The following NBAS variants were observed in gnomAD, a reference collection of about 807,000 sequenced individuals.
NBAS encodes NBAS subunit of NRZ tethering complex.
Under a neutral mutation model 302.5 loss-of-function variants are expected in NBAS, and 219 were observed. The observed-to-expected ratio is 0.72, with a 90% CI of 0.65 to 0.81. The LOEUF is 0.81. NBAS is among the 30% of genes least tolerant of loss of function. The probability of loss-of-function intolerance (pLI) is 0.00; values close to 1 mark genes in which losing one functional copy is unlikely to be tolerated. For missense variants in NBAS, 2,932 were observed against 2,841.6 expected (o/e 1.03, Z -0.72); for synonymous variants, 1,118 against 1,021.6 (o/e 1.09, Z -1.80).
At chr2:14,888,993 T>C in the NBAS span, among the ~76,000 whole-genome samples, 1 of 152,248 alleles carries the variant, frequency 6.6e-6, no homozygotes, top group Non-Finnish European at 1.5e-5. Flanking sequence ...GGCTGTGTCC[T>C]CTGTTCGGAA....
At chr2:15,476,639 C>T (rs1169476075) in intron 13 of NBAS, among the ~76,000 whole-genome samples, 4 of 151,838 alleles carry the variant, frequency 2.6e-5, no homozygotes, top group African/African-American at 7.3e-5. Flanking sequence ...CACTTGAACC[C>T]GGGAGATGGA....
chr2:14,942,993 G>C, the NBAS span, among the ~76,000 whole-genome samples: 1 of 152,152 alleles, frequency 6.6e-6, no homozygotes, highest in East Asian at 1.9e-4. Context: ...CCTCAGCAAA[G>C]GGAACGCAAA....
At chr2:14,878,048 C>T in the NBAS span, among the ~76,000 whole-genome samples, 1 of 152,158 alleles carries the variant, frequency 6.6e-6, no homozygotes. Flanking sequence ...CCCAGTTCAC[C>T]ATGGGTAAAA....
At chr2:15,125,860 C>T in the NBAS span, among the ~76,000 whole-genome samples, 1 of 152,148 alleles carries the variant, frequency 6.6e-6, no homozygotes, top group Non-Finnish European at 1.5e-5. Context: ...GGACTCGGAA[C>T]TTGGAGCTCT....
chr2:15,231,071 G>A (rs566283313), intron 47 of NBAS, among the ~76,000 whole-genome samples: 9 of 152,298 alleles, frequency 5.9e-5, no homozygotes, highest in East Asian at 1.9e-4. Flanking sequence ...AGGCCAGATC[G>A]TCTCCCGCGC....
At chr2:15,352,930 C>T (rs1350674497) in intron 34 of NBAS, among the ~76,000 whole-genome samples, 1 of 152,110 alleles carries the variant, frequency 6.6e-6, no homozygotes, top group Admixed American at 6.5e-5. Flanking sequence ...ACTGCCTGAC[C>T]CATCTGATGG....
At chr2:14,850,359 A>G in the NBAS span, among the ~76,000 whole-genome samples, 9 of 106,448 alleles carry the variant, frequency 8.5e-5, no homozygotes, top group Non-Finnish European at 1.0e-4. Context: ...TAAAGGGATC[A>G]ATTCAACAAG....
At chr2:15,373,759 A>G (rs987448396) in intron 31 of NBAS, among the ~76,000 whole-genome samples, 1 of 152,178 alleles carries the variant, frequency 6.6e-6, no homozygotes, top group Non-Finnish European at 1.5e-5. Flanking sequence ...ACTACACAGG[A>G]CAAAGACACC....
At chr2:14,794,384 T>C in the NBAS span, among the ~76,000 whole-genome samples, 1 of 152,216 alleles carries the variant, frequency 6.6e-6, no homozygotes, top group Admixed American at 6.6e-5. Context: ...TCTTTTGCTT[T>C]TATTACTTTT....
At chr2:14,953,833 T>C in the NBAS span, among the ~76,000 whole-genome samples, 82 of 152,148 alleles carry the variant, frequency 5.4e-4, no homozygotes, top group Non-Finnish European at 1.0e-3. Context: ...AGAAGATAAA[T>C]GGATAAAAAG....
the NBAS span, among the ~76,000 whole-genome samples, chr2:14,963,269 A>AAAATAAAT: frequency 8.5e-5 from 13 of 152,138 alleles, no homozygotes; most frequent in Non-Finnish European, 1.6e-4. Context: ...CTCCATCTCA[A>AAAATAAAT]AAATAAATAA....
At chr2:15,105,355 T>A in the NBAS span, among the ~76,000 whole-genome samples, 1 of 152,050 alleles carries the variant, frequency 6.6e-6, no homozygotes, top group Non-Finnish European at 1.5e-5. Context: ...TGTGTATACC[T>A]ATGTAACAAA....
the NBAS span, among the ~76,000 whole-genome samples, chr2:14,840,654 G>A: frequency 1.3e-5 from 2 of 152,044 alleles, no homozygotes; most frequent in East Asian, 1.9e-4. Flanking sequence ...AAAAAAAATT[G>A]TCATTCAAAA....
At chr2:15,286,014 C>A (rs1340059714) in intron 42 of NBAS, among the ~76,000 whole-genome samples, 5 of 152,314 alleles carry the variant, frequency 3.3e-5, no homozygotes, top group Admixed American at 3.3e-4. Context: ...TTGGGTGCTT[C>A]CTGTCTCACG....
chr2:14,829,634 T>C, the NBAS span, among the ~76,000 whole-genome samples: 1 of 152,304 alleles, frequency 6.6e-6, no homozygotes, highest in East Asian at 1.9e-4. Context: ...GACAGCATTC[T>C]GGTGCTCCTC....
chr2:15,308,443 T>G, intron 39 of NBAS, 90 bp from the exon 40 acceptor site: 2 of 1,516,076 alleles, frequency 1.3e-6, no homozygotes, highest in Non-Finnish European at 1.8e-6. Context: ...TCCTGCAGAT[T>G]TTTTGTACAA....
intron 51 of NBAS, among the ~76,000 whole-genome samples, chr2:15,170,340 G>A (rs11890160): frequency 0.27 from 41,771 of 152,130 alleles, 7,025 homozygotes; most frequent in East Asian, 0.63. Context: ...CAAGGGGTGG[G>A]GAAGGGCAGG....
At chr2:14,948,201 T>A in the NBAS span, among the ~76,000 whole-genome samples, 10 of 152,108 alleles carry the variant, frequency 6.6e-5, no homozygotes, top group Non-Finnish European at 1.2e-4. Context: ...GGTTTTAATA[T>A]CACTAATGCT....
At chr2:15,527,601 C>T (rs571650991) in intron 9 of NBAS, among the ~76,000 whole-genome samples, 2 of 152,230 alleles carry the variant, frequency 1.3e-5, no homozygotes, top group African/African-American at 2.4e-5. Flanking sequence ...GGGCCTTAAA[C>T]GCACTCATGA....
Sources: allele counts gnomAD v4.1 joint callset (sites outside exome capture counted in the v4.1 genomes callset), GRCh38; gene constraint gnomAD v4.1.1; transcripts MANE v1.5; gene names NCBI Gene and HGNC (gene_info 2026-07-23, HGNC 2026-07-21).